ATG10: variants seen among roughly 807,000 people sequenced by gnomAD.
The protein encoded by ATG10 is autophagy related 10.
Under a neutral mutation model 32.1 loss-of-function variants are expected in ATG10, and 30 were observed. The observed-to-expected ratio is 0.94, with a 90% CI of 0.70 to 1.27. The LOEUF (loss-of-function observed/expected upper bound fraction) is 1.27. ATG10 is among the 50% of genes most tolerant of loss of function. The pLI is 0.00. For missense variants in ATG10, 233 were observed against 262.3 expected (o/e 0.89, Z 0.77); for synonymous variants, 87 against 91.5 (o/e 0.95, Z 0.28).
intron 3 of ATG10, among the ~76,000 whole-genome samples, chr5:82,142,575 A>G (rs1767196033): frequency 6.6e-6 from 1 of 152,210 alleles, no homozygotes. Context: ...CCTACAAGCA[A>G]AGAGCCTCAG....
chr5:82,001,618 C>A (rs964164551), intron 2 of ATG10, among the ~76,000 whole-genome samples: 1 of 152,026 alleles, frequency 6.6e-6, no homozygotes, highest in African/African-American at 2.4e-5. Context: ...GAAACAGGAC[C>A]CCTTACACCA....
At chr5:82,189,154 A>G (rs1002151819) in intron 5 of ATG10, among the ~76,000 whole-genome samples, 1 of 152,252 alleles carries the variant, frequency 6.6e-6, no homozygotes, top group Non-Finnish European at 1.5e-5. Context: ...GTATACATAC[A>G]TTCTCATATG....
At chr5:82,176,620 A>G (rs527953188) in intron 4 of ATG10, among the ~76,000 whole-genome samples, 3 of 152,298 alleles carry the variant, frequency 2.0e-5, no homozygotes, top group South Asian at 4.1e-4. Flanking sequence ...ATATGCATGC[A>G]TGGCATTTGC....
intron 2 of ATG10, among the ~76,000 whole-genome samples, chr5:82,020,417 A>C (rs901387281): frequency 1.3e-5 from 2 of 152,204 alleles, no homozygotes; most frequent in Admixed American, 1.3e-4. Flanking sequence ...AAAGTTACGG[A>C]CTGGGACCAA....
At chr5:82,086,109 A>T (rs1764680705) in intron 3 of ATG10, among the ~76,000 whole-genome samples, 1 of 152,184 alleles carries the variant, frequency 6.6e-6, no homozygotes, top group African/African-American at 2.4e-5. Flanking sequence ...CTTTTTCACC[A>T]AATTACCATT....
intron 4 of ATG10, among the ~76,000 whole-genome samples, chr5:82,174,305 A>G (rs1175365887): frequency 1.3e-5 from 2 of 152,174 alleles, no homozygotes; most frequent in Non-Finnish European, 2.9e-5. Flanking sequence ...ACAAAGCTAT[A>G]TTTACCCAGA....
At chr5:82,164,669 T>A in intron 4 of ATG10, 132 bp downstream of exon 4, 1 of 828,236 alleles carries the variant, frequency 1.2e-6, no homozygotes, top group Non-Finnish European at 1.8e-6. Context: ...GAGGTAAGGT[T>A]TTACCACTAA....
chr5:82,225,953 C>G (rs1201436998), intron 5 of ATG10, among the ~76,000 whole-genome samples: 1 of 152,166 alleles, frequency 6.6e-6, no homozygotes, highest in Non-Finnish European at 1.5e-5. Context: ...AGAGTAGCAT[C>G]TTAGAGTGAG....
chr5:82,070,481 C>A (rs1185726792), intron 3 of ATG10, among the ~76,000 whole-genome samples: 3 of 152,096 alleles, frequency 2.0e-5, no homozygotes, highest in Non-Finnish European at 4.4e-5. Context: ...GGAAAAATAT[C>A]AATGTAACAA....
At chr5:82,148,565 A>G (rs1767458062) in intron 3 of ATG10, among the ~76,000 whole-genome samples, 1 of 152,096 alleles carries the variant, frequency 6.6e-6, no homozygotes, top group South Asian at 2.1e-4. Context: ...TTACTTTGAC[A>G]TTTATATCCC....
intron 2 of ATG10, among the ~76,000 whole-genome samples, chr5:81,997,738 T>C (rs1395967170): frequency 6.6e-6 from 1 of 152,150 alleles, no homozygotes; most frequent in Non-Finnish European, 1.5e-5. Flanking sequence ...GATTTCAGAA[T>C]ACAATTGTAA....
chr5:81,983,823 CG>C (rs1761159194), intron 1 of ATG10, among the ~76,000 whole-genome samples: 1 of 151,158 alleles, frequency 6.6e-6, no homozygotes, highest in Non-Finnish European at 1.5e-5. Flanking sequence ...ACCTCCCAGA[CG>C]GGGTCGTGGC....
intron 3 of ATG10, among the ~76,000 whole-genome samples, chr5:82,098,517 G>A (rs1344023319): frequency 2.0e-5 from 3 of 151,880 alleles, no homozygotes; most frequent in African/African-American, 7.3e-5. Flanking sequence ...CACCATCTTG[G>A]CCAGGCTGGT....
At chr5:82,027,084 A>G (rs889626715) in intron 2 of ATG10, among the ~76,000 whole-genome samples, 1 of 150,554 alleles carries the variant, frequency 6.6e-6, no homozygotes, top group African/African-American at 2.5e-5. Context: ...TAAAATAAAT[A>G]AATAAATAAA....
chr5:82,246,585 A>G (rs966039908), intron 5 of ATG10, among the ~76,000 whole-genome samples: 1 of 151,912 alleles, frequency 6.6e-6, no homozygotes, highest in Non-Finnish European at 1.5e-5. Context: ...AACTTTGTTC[A>G]ATATGCTTTC....
At chr5:82,199,817 C>A (rs1438693312) in intron 5 of ATG10, among the ~76,000 whole-genome samples, 2 of 152,164 alleles carry the variant, frequency 1.3e-5, no homozygotes, top group Non-Finnish European at 2.9e-5. Context: ...TGTAGCCAAC[C>A]TTTTCTCCCA....
chr5:82,098,347 TG>T (rs1349415070), intron 3 of ATG10, among the ~76,000 whole-genome samples: 1 of 145,530 alleles, frequency 6.9e-6, no homozygotes, highest in African/African-American at 2.5e-5. Flanking sequence ...AGTCTCGCTC[TG>T]TCACTCAGGC....
At chr5:82,030,353 A>C (rs532949301) in intron 2 of ATG10, among the ~76,000 whole-genome samples, 1 of 152,328 alleles carries the variant, frequency 6.6e-6, no homozygotes, top group Admixed American at 6.5e-5. Context: ...AAAATAAAAT[A>C]AAATAAAAAA....
chr5:82,072,253 G>T (rs150212284), intron 3 of ATG10, among the ~76,000 whole-genome samples: 1 of 152,116 alleles, frequency 6.6e-6, no homozygotes, highest in South Asian at 2.1e-4. Context: ...TATTCTTTGT[G>T]CTAGTCTCTT....
Sources: gnomAD v4.1 joint callset for allele counts (sites outside exome capture counted in the v4.1 genomes callset) on GRCh38, gnomAD v4.1.1 for gene constraint, MANE v1.5 for transcripts, NCBI Gene and HGNC (gene_info 2026-07-23, HGNC 2026-07-21) for gene names.